The following CADM2 variants were observed in gnomAD, a reference collection of about 807,000 sequenced individuals.
CADM2 encodes the protein cell adhesion molecule 2.
A neutral mutation model predicts 49.8 loss-of-function variants in CADM2; 12 were observed. That is an observed-to-expected ratio of 0.24 (90% CI 0.15 to 0.39). The LOEUF (loss-of-function observed/expected upper bound fraction) is 0.39, where lower values mean the gene tolerates loss of function less well. Ranked by LOEUF, CADM2 falls within the 10% of genes least tolerant of loss-of-function variation. CADM2 has a pLI of 1.00. For missense variants in CADM2, 378 were observed against 492.3 expected, an observed-to-expected ratio of 0.77 and a Z score of 2.20; for synonymous variants, 214 against 175.4, an observed-to-expected ratio of 1.22 and a Z score of -1.74.
At chr3:85,778,436 G>A (rs2070465663) in intron 2 of CADM2, among the ~76,000 whole-genome samples, 2 of 152,112 alleles carry the variant, frequency 1.3e-5, no homozygotes, top group Admixed American at 1.3e-4. Context: ...ACCACATGGA[G>A]GTAATTGAAT....
chr3:85,396,539 T>C (rs989863089), intron 1 of CADM2, among the ~76,000 whole-genome samples: 3 of 152,042 alleles, frequency 2.0e-5, no homozygotes, highest in Non-Finnish European at 4.4e-5. Flanking sequence ...GGTAATCCAA[T>C]ACCTACAAAA....
chr3:86,062,543 C>T (rs1337233884), intron 8 of CADM2, among the ~76,000 whole-genome samples: 1 of 151,916 alleles, frequency 6.6e-6, no homozygotes, highest in Non-Finnish European at 1.5e-5. Flanking sequence ...TTTGGGAGGC[C>T]TAGGTGGGTG....
intron 3 of CADM2, among the ~76,000 whole-genome samples, chr3:85,817,099 G>T (rs1210911667): frequency 6.6e-6 from 1 of 152,186 alleles, no homozygotes; most frequent in African/African-American, 2.4e-5. Flanking sequence ...CTTGGAAACA[G>T]CAGTAAGCAA....
intron 2 of CADM2, among the ~76,000 whole-genome samples, chr3:85,777,595 C>T (rs1052669837): frequency 2.0e-5 from 3 of 152,076 alleles, no homozygotes; most frequent in African/African-American, 7.2e-5. Flanking sequence ...GGTTCTTCTG[C>T]TCTCATGTTT....
intron 1 of CADM2, among the ~76,000 whole-genome samples, chr3:85,126,191 A>G (rs1405109906): frequency 6.6e-6 from 1 of 152,210 alleles, no homozygotes; most frequent in Non-Finnish European, 1.5e-5. Context: ...ATCTGTATAC[A>G]GGCAGAGTTT....
At chr3:85,530,321 CGTTTTTTTTTTTT>C (rs764181313) in intron 1 of CADM2, among the ~76,000 whole-genome samples, 1 of 119,058 alleles carries the variant, frequency 8.4e-6, no homozygotes. Context: ...TTCTTTTCTC[CGTTTTTTTTTTTT>C]TTTTTTTTTT....
At chr3:85,247,717 T>G (rs922893711) in intron 1 of CADM2, among the ~76,000 whole-genome samples, 1 of 152,166 alleles carries the variant, frequency 6.6e-6, no homozygotes, top group African/African-American at 2.4e-5. Flanking sequence ...AAGTCACGTT[T>G]CTAGAATGTT....
At chr3:86,036,501 A>G (rs1490642784) in intron 8 of CADM2, among the ~76,000 whole-genome samples, 11 of 152,070 alleles carry the variant, frequency 7.2e-5, no homozygotes. Flanking sequence ...AAAATGGAAA[A>G]TCATTTCTTT....
chr3:86,001,378 A>T lies in CADM2; in HGVS notation c.970+39731A>T, dbSNP rs563504787. Among the ~76,000 whole-genome samples, 6 of 152,298 alleles carry T rather than the reference A, an allele frequency of 3.9e-5. No individual in the cohort carries two copies. The South Asian group carries it at 8.3e-4, about 21-fold the overall frequency. On this transcript the variant is annotated intron_variant, in intron 8 of 9. Coordinates refer to ENST00000383699, the MANE Select transcript of CADM2 (RefSeq NM_001167675.2). ...TGCCAGAAGAATATACAAAGAGCAGATAACATAGTCCTTAACTGAGGTTAG... is the reference window on the plus strand; with the variant it reads ...TGCCAGAAGAATATACAAAGAGCAGTTAACATAGTCCTTAACTGAGGTTAG...
intron 1 of CADM2, among the ~76,000 whole-genome samples, chr3:84,962,140 C>CAATT (rs1553660215): frequency 2.7e-5 from 4 of 148,368 alleles, no homozygotes; most frequent in Admixed American, 2.0e-4. Flanking sequence ...GCATTAGGTC[C>CAATT]AATAAATAAA....
At chr3:85,717,288 T>C (rs892414421) in intron 1 of CADM2, among the ~76,000 whole-genome samples, 3 of 152,174 alleles carry the variant, frequency 2.0e-5, no homozygotes, top group African/African-American at 4.8e-5. Flanking sequence ...ATGATTTGGC[T>C]CTCTGTTTGT....
intron 1 of CADM2, among the ~76,000 whole-genome samples, chr3:85,192,577 T>TAC (rs963417449): frequency 2.6e-5 from 3 of 116,552 alleles, no homozygotes; most frequent in African/African-American, 6.7e-5. Context: ...TATGTACATA[T>TAC]ACACACACAT....
intron 1 of CADM2, among the ~76,000 whole-genome samples, chr3:85,179,512 A>G (rs986796682): frequency 2.6e-5 from 4 of 151,980 alleles, no homozygotes; most frequent in African/African-American, 9.6e-5. Context: ...TTTAATATGA[A>G]TGCAAGATCA....
intron 1 of CADM2, among the ~76,000 whole-genome samples, chr3:85,603,512 C>G (rs2063471339): frequency 6.6e-6 from 1 of 151,884 alleles, no homozygotes; most frequent in African/African-American, 2.4e-5. Flanking sequence ...ATAATTCCCT[C>G]AGGAACTTGC....
intron 2 of CADM2, among the ~76,000 whole-genome samples, chr3:85,788,215 T>C (rs1038710859): frequency 1.3e-5 from 2 of 152,128 alleles, no homozygotes; most frequent in African/African-American, 4.8e-5. Context: ...TGAGGTATAT[T>C]TTATCAGTAA....
intron 8 of CADM2, among the ~76,000 whole-genome samples, chr3:85,985,136 A>G (rs765315058): frequency 6.6e-6 from 1 of 151,884 alleles, no homozygotes; most frequent in Non-Finnish European, 1.5e-5. Flanking sequence ...CACATAACAA[A>G]TATTTACTTC....
intron 2 of CADM2, among the ~76,000 whole-genome samples, chr3:85,744,734 G>T (rs1037606533): frequency 9.9e-5 from 15 of 151,936 alleles, no homozygotes; most frequent in African/African-American, 3.6e-4. Context: ...GGTCTGGAAT[G>T]GGTGAAGAAG....
At chr3:85,420,135 T>C (rs1022179219) in intron 1 of CADM2, among the ~76,000 whole-genome samples, 6 of 152,180 alleles carry the variant, frequency 3.9e-5, no homozygotes, top group Admixed American at 6.5e-5. Flanking sequence ...CAAGTTTTCT[T>C]CCTGGAATCT....
intron 1 of CADM2, among the ~76,000 whole-genome samples, chr3:85,500,795 G>A (rs1188948782): frequency 2.0e-5 from 3 of 152,096 alleles, no homozygotes; most frequent in African/African-American, 7.2e-5. Context: ...GGGATTACAG[G>A]TGTGAGCCAC....
Sources: gnomAD v4.1 joint callset for allele counts (sites outside exome capture counted in the v4.1 genomes callset) on GRCh38, gnomAD v4.1.1 for gene constraint, MANE v1.5 for transcripts, NCBI Gene and HGNC (gene_info 2026-07-23, HGNC 2026-07-21) for gene names.